Variants in CENPK observed in about 807,000 individuals in gnomAD.
The protein encoded by CENPK is SoxLZ/Sox6-binding protein Solt.
In CENPK, 46 loss-of-function variants were observed where a neutral mutation model predicts 40.9. The ratio of observed to expected loss-of-function variants is 1.13; its 90% CI spans 0.89 to 1.44. The LOEUF (loss-of-function observed/expected upper bound fraction) is 1.44, where lower values mean the gene tolerates loss of function less well. Ranked by LOEUF, CENPK falls within the 40% of genes most tolerant of loss-of-function variation. The pLI is 0.00. For missense variants in CENPK, 288 were observed against 303.5 expected (o/e 0.95, Z 0.38); for synonymous variants, 107 against 104.4 (o/e 1.02, Z -0.15).
At chr5:65,555,628 G>T (rs1388614992) in intron 2 of CENPK, among the ~76,000 whole-genome samples, 4 of 152,214 alleles carry the variant, frequency 2.6e-5, no homozygotes, top group Non-Finnish European at 5.9e-5. Flanking sequence ...AATGACCCAA[G>T]CAAGATGTAG....
At chr5:65,542,558 C>A (rs1224423898) in intron 6 of CENPK, among the ~76,000 whole-genome samples, 1 of 151,862 alleles carries the variant, frequency 6.6e-6, no homozygotes, top group Non-Finnish European at 1.5e-5. Flanking sequence ...ACTCACCTGA[C>A]CCTGGGAGGC....
Position 65,518,239 on chromosome 5 carries a change from A to G in CENPK, c.*236T>C. 1 of 403,576 alleles carries G rather than the reference A, an allele frequency of 2.5e-6. No homozygotes were observed. The highest frequency in any genetic ancestry group is 4.4e-6 in the Non-Finnish European group (1 of 228,510). The allele number at this position is 403,576 out of a possible 1,614,324, so 25.0% of individuals were successfully genotyped here. A position where few individuals can be genotyped will look rare whatever the true frequency, so the allele number is the denominator to read the frequency against. The stretch of plus-strand genomic sequence containing the variant: ...AAGGTACATTAAATGTTTTATGCCT[A>G]GAATATTATCTACCTGCATTCTTAT... On this transcript the variant is annotated 3_prime_UTR_variant, in exon 11 of 11. Coordinates refer to ENST00000396679, the MANE Select transcript of CENPK (RefSeq NM_022145.5).
intron 2 of CENPK, among the ~76,000 whole-genome samples, chr5:65,560,160 C>A (rs917354498): frequency 4.6e-5 from 7 of 151,634 alleles, no homozygotes; most frequent in African/African-American, 1.7e-4. Context: ...TTTTTTAATT[C>A]TGCATGGACA....
At chr5:65,521,781 A>C (rs1186172270) in intron 9 of CENPK, among the ~76,000 whole-genome samples, 1 of 152,068 alleles carries the variant, frequency 6.6e-6, no homozygotes, top group Non-Finnish European at 1.5e-5. Flanking sequence ...TTGTATTTTT[A>C]GTAGATATGA....
At chr5:65,517,578 A>AATATACAGTAGAAAGCGCTTTC (rs1742967842), downstream of CENPK, among the ~76,000 whole-genome samples, 1 of 152,182 alleles carries the variant, frequency 6.6e-6, no homozygotes. Flanking sequence ...AGACTTGGAT[A>AATATACAGTAGAAAGCGCTTTC]ATATACAGTA....
chr5:65,543,528 A>G (rs1748346872), intron 5 of CENPK, among the ~76,000 whole-genome samples: 1 of 152,180 alleles, frequency 6.6e-6, no homozygotes, highest in Non-Finnish European at 1.5e-5. Flanking sequence ...TATCACACAT[A>G]TTATATTCAT....
In CENPK at chr5:65,561,507, G is replaced by A. The variant is rs1358207757; in HGVS notation, c.-84C>T. On this transcript the variant is annotated 5_prime_UTR_variant, in exon 2 of 11. Transcript: ENST00000396679. ...TAAGCTGTATGTAACCTGGAAGAGG[G>A]TCATCAACAGAACCAGAAAATGATG... 1 of 456,004 alleles carries A rather than the reference G, an allele frequency of 2.2e-6. No individual in the cohort carries two copies. Among genetic ancestry groups the A allele is most frequent in the Non-Finnish European group, 4.4e-6 (1 of 226,814 alleles). 28.2% of individuals were successfully genotyped at this position (456,004 alleles called of 1,614,324 possible). A position where few individuals can be genotyped will look rare whatever the true frequency, so the allele number is the denominator to read the frequency against.
At position 65,518,497 on chromosome 5, in the gene CENPK, C is replaced by G; in HGVS notation, c.788G>C (p.Arg263Thr). The G allele has an allele frequency of 1.2e-6, 2 of 1,611,632 alleles. No individual in the cohort carries two copies. Among genetic ancestry groups the G allele is most frequent in the South Asian group, 2.2e-5 (2 of 90,324 alleles). ...LRHPEDPTRI[R>T]LEAFHQ Reference sequence around the variant, plus strand: ...CTTTTACTGATGGAAAGCTTCTAATCTTATTCGGGTTGGATCTTCTGGATG... The same window carrying G: ...CTTTTACTGATGGAAAGCTTCTAATGTTATTCGGGTTGGATCTTCTGGATG... Residue 263 changes from arginine to threonine, a missense_variant, in exon 11 of 11, where the codon AGA (arginine) becomes ACA (threonine). By Grantham distance (71) the Arg-to-Thr change is moderately conservative. Coordinates refer to ENST00000396679, the MANE Select transcript of CENPK (RefSeq NM_022145.5).
the CENPK span, among the ~76,000 whole-genome samples, chr5:65,508,700 C>T: frequency 6.7e-6 from 1 of 149,646 alleles, no homozygotes; most frequent in Admixed American, 6.7e-5. Flanking sequence ...GTGGGAGAAT[C>T]ACTTGAACCT....
At chr5:65,515,673 A>G (rs1742807337), downstream of CENPK, among the ~76,000 whole-genome samples, 1 of 152,212 alleles carries the variant, frequency 6.6e-6, no homozygotes, top group African/African-American at 2.4e-5. Flanking sequence ...TTGTAGTCAA[A>G]GACATAGCTT....
At chr5:65,511,490 C>T in the CENPK span, among the ~76,000 whole-genome samples, 58 of 152,270 alleles carry the variant, frequency 3.8e-4, no homozygotes, top group Non-Finnish European at 1.2e-4. Flanking sequence ...AGCTGGTGAC[C>T]TTAAGTTAAA....
At chr5:65,528,784 A>G (rs1320419989) in intron 8 of CENPK, 135 bp downstream of exon 8, 1 of 888,874 alleles carries the variant, frequency 1.1e-6, no homozygotes, top group Non-Finnish European at 1.7e-6. Flanking sequence ...AAAAGATCAT[A>G]TAATAGCTAA....
intron 5 of CENPK, among the ~76,000 whole-genome samples, chr5:65,544,643 C>A (rs1211558170): frequency 6.6e-6 from 1 of 152,036 alleles, no homozygotes; most frequent in Admixed American, 6.6e-5. Context: ...TTTCCGTTGA[C>A]AGATGAATGG....
intron 9 of CENPK, 108 bp from the exon 10 acceptor site, chr5:65,521,636 T>G: frequency 2.5e-6 from 2 of 792,224 alleles, no homozygotes; most frequent in Non-Finnish European, 4.1e-6. Context: ...GTTTCATTCT[T>G]GGCGCCCAGG....
Position 65,518,617 on chromosome 5 carries a change from A to T in CENPK, c.668T>A (p.Leu223Ter). ...ATATGGATCATGTGGAACATCAAAT[A>T]ATCTATTTATAAGAATCTAGGAGAA... is the stretch of plus-strand genomic sequence containing the variant. ...HEMLEILINRLFDVPHDPYVK... is the reference protein window; with the variant it reads ...HEMLEILINR Residue 223 changes from leucine (L) to a stop codon, truncating the protein, a stop_gained, in exon 11 of 11, where the codon TTA becomes TAA. Coordinates refer to ENST00000396679, the MANE Select transcript of CENPK (RefSeq NM_022145.5). LOFTEE classifies it high-confidence loss of function. 1.9e-6 allele frequency: 3 copies of T among 1,585,870 alleles called. No individual in the cohort carries two copies. In the South Asian group the frequency reaches 3.4e-5, roughly 18 times the overall value.
chr5:65,541,157 G>A (rs987955914), intron 6 of CENPK, among the ~76,000 whole-genome samples: 1 of 152,030 alleles, frequency 6.6e-6, no homozygotes, highest in Non-Finnish European at 1.5e-5. Context: ...TGACACCTGA[G>A]TAAATGAAAG....
chr5:65,556,460 G>C (rs1036210357), intron 2 of CENPK, among the ~76,000 whole-genome samples: 2 of 152,060 alleles, frequency 1.3e-5, no homozygotes, highest in African/African-American at 4.8e-5. Flanking sequence ...GGGTGACAGA[G>C]ACAAACTCTG....
At position 65,537,351 on chromosome 5, in the gene CENPK, C is replaced by T. The variant is rs552018476; in HGVS notation, c.288+5451G>A. Among the ~76,000 whole-genome samples the T allele has an allele frequency of 2.0e-5, 3 of 152,300 alleles. No homozygotes were observed. The East Asian group carries it at 5.8e-4, about 29-fold the overall frequency. On this transcript the variant is annotated intron_variant, in intron 6 of 10. Transcript: ENST00000396679. ...ACGGAGTCTCGCTCTGTCATCCAGG[C>T]TGGAGTCCAGTAGGGCGATCTCGGC...
At chr5:65,536,463 A>C (rs1211437264) in intron 6 of CENPK, among the ~76,000 whole-genome samples, 1 of 152,116 alleles carries the variant, frequency 6.6e-6, no homozygotes, top group Non-Finnish European at 1.5e-5. Flanking sequence ...AAAACCAAAA[A>C]TAAAAAATAA....
Sources: gnomAD v4.1 joint callset for allele counts (sites outside exome capture counted in the v4.1 genomes callset) on GRCh38, gnomAD v4.1.1 for gene constraint, MANE v1.5 for transcripts, NCBI Gene and HGNC (gene_info 2026-07-23, HGNC 2026-07-21) for gene names.